MBD5: variants seen among roughly 807,000 people sequenced by gnomAD.
MBD5 encodes the protein methyl-CpG binding domain protein 5.
A neutral mutation model predicts 117.3 loss-of-function variants in MBD5; 13 were observed. The observed-to-expected ratio is 0.11, with a 90% CI of 0.07 to 0.18. The LOEUF is 0.18. MBD5 is among the 10% of genes least tolerant of loss of function. The pLI, the probability that MBD5 is intolerant of heterozygous loss-of-function variation, is 1.00. For missense variants in MBD5, 1,879 were observed against 2,093.8 expected, an observed-to-expected ratio of 0.90 and a Z score of 2.00; for synonymous variants, 727 against 766.4, an observed-to-expected ratio of 0.95 and a Z score of 0.85.
At chr2:148,041,567 A>G (rs1002443555) in intron 1 of MBD5, among the ~76,000 whole-genome samples, 1 of 152,180 alleles carries the variant, frequency 6.6e-6, no homozygotes, top group African/African-American at 2.4e-5. Context: ...GATCTTTCTC[A>G]GGAGAAAGAT....
In MBD5 at chr2:148,468,891, T is replaced by A. The variant is rs773283959; in HGVS notation, c.948T>A (p.Asn316Lys). ...KSPVMKKPMC[N>K]FSTNMEIPRA... Reference sequence around the variant, plus strand: ...CAGTAATGAAAAAACCAATGTGTAATTTTTCAACTAATATGGAAATACCAC... The same window carrying A: ...CAGTAATGAAAAAACCAATGTGTAAATTTTCAACTAATATGGAAATACCAC... Residue 316 changes from asparagine to lysine, a missense_variant, in exon 8 of 14, where the codon AAT becomes AAA. This residue lies in a region of MBD5 where 1,666 missense variants were observed against 1,792.2 expected (regional missense o/e 0.93). Transcript: ENST00000642680. 1.2e-6 allele frequency: 2 copies of A among 1,613,826 alleles called. No homozygotes were observed. The highest frequency in any genetic ancestry group is 4.5e-5 in the East Asian group (2 of 44,852).
In MBD5 at chr2:148,039,014, A is replaced by G. The variant is rs147800892; in HGVS notation, c.-925+17330A>G. 7.0e-3 allele frequency among the ~76,000 whole-genome samples: 1,064 copies of G among 152,210 alleles called. 6 individuals are homozygous for G. Among genetic ancestry groups the G allele is most frequent in the Admixed American group, 0.011 (170 of 15,280 alleles). ...AGTAACAACAGGAAACATCCCACCT[A>G]CAATGCATATGGCAAAGGAGAAAGA... On this transcript the variant is annotated intron_variant, in intron 1 of 13. Coordinates refer to ENST00000642680, the MANE Select transcript of MBD5 (RefSeq NM_001378120.1).
intron 4 of MBD5, among the ~76,000 whole-genome samples, chr2:148,434,031 G>C (rs1706076321): frequency 6.6e-6 from 1 of 151,616 alleles, no homozygotes; most frequent in African/African-American, 2.4e-5. Context: ...GGTTTTTTCT[G>C]GTTGGTAGGC....
intron 3 of MBD5, among the ~76,000 whole-genome samples, chr2:148,303,173 A>G (rs1045115246): frequency 2.0e-5 from 3 of 152,198 alleles, no homozygotes; most frequent in African/African-American, 4.8e-5. Context: ...CCAGCAAATC[A>G]TTACAAAAGG....
At chr2:148,216,749 C>T (rs535518474) in intron 2 of MBD5, among the ~76,000 whole-genome samples, 2 of 152,202 alleles carry the variant, frequency 1.3e-5, no homozygotes, top group South Asian at 2.1e-4. Flanking sequence ...TCTTCTGTCC[C>T]CAATTCTGGG....
intron 1 of MBD5, among the ~76,000 whole-genome samples, chr2:148,153,028 C>G (rs1454936600): frequency 6.6e-6 from 1 of 151,650 alleles, no homozygotes; most frequent in African/African-American, 2.4e-5. Context: ...CAGTTTCTTC[C>G]TAGTCTCGAT....
At chr2:148,176,931 G>A (rs993122130) in intron 1 of MBD5, among the ~76,000 whole-genome samples, 2 of 150,888 alleles carry the variant, frequency 1.3e-5, no homozygotes, top group Non-Finnish European at 1.5e-5. Flanking sequence ...CTAGTTATAT[G>A]TGAGGTTTTC....
chr2:148,088,734 A>G (rs150800714), intron 1 of MBD5, among the ~76,000 whole-genome samples: 9 of 152,184 alleles, frequency 5.9e-5, no homozygotes, highest in Admixed American at 1.3e-4. Context: ...CAGAATATCA[A>G]AATGCACAAA....
intron 4 of MBD5, among the ~76,000 whole-genome samples, chr2:148,441,765 C>A (rs1384483618): frequency 3.3e-5 from 5 of 151,492 alleles, no homozygotes; most frequent in Admixed American, 2.6e-4. Context: ...TCTCCAGCAC[C>A]TGTTGTTTCC....
At chr2:148,391,060 A>G (rs1347208479) in intron 4 of MBD5, among the ~76,000 whole-genome samples, 1 of 152,188 alleles carries the variant, frequency 6.6e-6, no homozygotes, top group Admixed American at 6.5e-5. Flanking sequence ...ATCACTCTGC[A>G]AAGTCTGAAG....
chr2:148,330,053 C>CCCCCCCCCCCCCCCCCCCCCA (rs1559026394), intron 3 of MBD5, among the ~76,000 whole-genome samples: 1 of 21,088 alleles, frequency 4.7e-5, no homozygotes, highest in Admixed American at 8.8e-4. Flanking sequence ...GCCCCCCCCA[C>CCCCCCCCCCCCCCCCCCCCCA]ACACACACAC....
chr2:148,076,654 A>G (rs1695517288), intron 1 of MBD5, among the ~76,000 whole-genome samples: 1 of 152,264 alleles, frequency 6.6e-6, no homozygotes. Context: ...AGCAGTACAG[A>G]TAACTAACAG....
chr2:148,354,958 G>C (rs1703340227), intron 4 of MBD5, among the ~76,000 whole-genome samples: 1 of 150,628 alleles, frequency 6.6e-6, no homozygotes. Flanking sequence ...TTTCATAATT[G>C]CCATTCTAAC....
chr2:148,147,697 A>C (rs1176679692), intron 1 of MBD5, among the ~76,000 whole-genome samples: 1 of 152,054 alleles, frequency 6.6e-6, no homozygotes, highest in East Asian at 1.9e-4. Flanking sequence ...GTGGCCACTA[A>C]AATTTCTGCT....
intron 4 of MBD5, among the ~76,000 whole-genome samples, chr2:148,435,718 T>C (rs1157503757): frequency 2.0e-5 from 3 of 152,194 alleles, no homozygotes; most frequent in African/African-American, 7.2e-5. Context: ...TGATTATGTC[T>C]TAGGAATGGT....
At chr2:148,305,074 A>T (rs976035936) in intron 3 of MBD5, among the ~76,000 whole-genome samples, 4 of 151,926 alleles carry the variant, frequency 2.6e-5, no homozygotes, top group African/African-American at 7.3e-5. Context: ...CAAAAAAAAA[A>T]AAATAAAATA....
At chr2:148,215,477 A>G (rs988601713) in intron 2 of MBD5, among the ~76,000 whole-genome samples, 4 of 152,118 alleles carry the variant, frequency 2.6e-5, no homozygotes, top group African/African-American at 9.7e-5. Context: ...TTGTGGGCCC[A>G]TGGACCCTGT....
Position 148,469,165 on chromosome 2 carries a change from C to G in MBD5, c.1222C>G (p.Pro408Ala). 1 of 1,614,032 alleles carries G rather than the reference C, an allele frequency of 6.2e-7. No individual in the cohort carries two copies. The highest frequency in any genetic ancestry group is 8.5e-7 in the Non-Finnish European group (1 of 1,179,966). ...TGTTGTTCCTTTGCCAAGTAATCTC[C>G]CATTGCCAACTGTAAAACCTGGTCA... The part of the protein sequence containing the change: ...PAVVPLPSNL[P>A]LPTVKPGHMN... Residue 408 changes from proline to alanine, a missense_variant, in exon 8 of 14, where the codon CCA (proline) becomes GCA (alanine). By Grantham distance (27) the Pro-to-Ala change is conservative. This residue lies in a region of MBD5 where 1,666 missense variants were observed against 1,792.2 expected (regional missense o/e 0.93). Transcript: ENST00000642680.
At chr2:148,422,377 G>T (rs1387069936) in intron 4 of MBD5, among the ~76,000 whole-genome samples, 1 of 152,136 alleles carries the variant, frequency 6.6e-6, no homozygotes, top group Non-Finnish European at 1.5e-5. Flanking sequence ...AAACAGAAAG[G>T]AATAGCATCA....
Sources: gnomAD v4.1 joint callset for allele counts (sites outside exome capture counted in the v4.1 genomes callset) on GRCh38, gnomAD v4.1.1 for gene constraint, gnomAD v4.1.1 regional missense constraint, MANE v1.5 for transcripts, NCBI Gene and HGNC (gene_info 2026-07-23, HGNC 2026-07-21) for gene names.